Variants in XRN2 observed in about 807,000 individuals in gnomAD.
XRN2 encodes the protein DHM1-like protein.
Under a neutral mutation model 138.5 loss-of-function variants are expected in XRN2, and 44 were observed. The ratio of observed to expected loss-of-function variants is 0.32; its 90% CI spans 0.25 to 0.41. The LOEUF is 0.41. Ranked by LOEUF, XRN2 falls within the 10% of genes least tolerant of loss-of-function variation. The pLI, the probability that XRN2 is intolerant of heterozygous loss-of-function variation, is 1.00. For synonymous variants in XRN2, 354 were observed against 369.4 expected (o/e 0.96, Z 0.48); for missense variants, 937 against 1,169.3 (o/e 0.80, Z 2.90).
intron 15 of XRN2, among the ~76,000 whole-genome samples, chr20:21,341,080 T>C (rs746727459): frequency 6.6e-6 from 1 of 152,324 alleles, no homozygotes; most frequent in Admixed American, 6.5e-5. Context: ...CATGCGAATA[T>C]AAAGAGCTGA....
chr20:21,303,515 C>T (rs2037767759), intron 1 of XRN2, 42 bp downstream of exon 1: 3 of 1,532,890 alleles, frequency 2.0e-6, no homozygotes, highest in Non-Finnish European at 2.6e-6. Flanking sequence ...AGCCCGGGCC[C>T]CCGGCACGTC....
At chr20:21,331,963 G>A (rs552607991) in intron 8 of XRN2, 145 bp downstream of exon 8, 2 of 908,480 alleles carry the variant, frequency 2.2e-6, no homozygotes, top group Non-Finnish European at 3.5e-6. Flanking sequence ...CTAGTATTGA[G>A]TTGCTGTTTA....
intron 13 of XRN2, among the ~76,000 whole-genome samples, chr20:21,338,520 G>A (rs765550290): frequency 6.6e-6 from 1 of 152,034 alleles, no homozygotes; most frequent in African/African-American, 2.4e-5. Flanking sequence ...TAATGTTTGC[G>A]TAGAGTCCCA....
chr20:21,311,622 A>G lies in XRN2; in HGVS notation c.75+8149A>G, dbSNP rs113226130. 5.8e-4 allele frequency among the ~76,000 whole-genome samples: 89 copies of G among 152,320 alleles called. 1 individual carries two copies. The highest frequency in any genetic ancestry group is 2.0e-3 in the African/African-American group (82 of 41,574). ...TGGATCATGTAATTCTGTGTTTAGC[A>G]TTTTGAGGAACCACCAAACTGTTTT... is the stretch of plus-strand genomic sequence containing the variant. On this transcript the variant is annotated intron_variant, in intron 1 of 29. Transcript: ENST00000377191.
At chr20:21,359,534 A>C (rs967607327) in intron 24 of XRN2, among the ~76,000 whole-genome samples, 2 of 152,140 alleles carry the variant, frequency 1.3e-5, no homozygotes, top group African/African-American at 4.8e-5. Flanking sequence ...CAAAAAAAAA[A>C]AAAATGTATA....
chr20:21,309,996 T>C (rs202825), intron 1 of XRN2, among the ~76,000 whole-genome samples: 140,321 of 152,178 alleles, frequency 0.92, 64,810 homozygotes, highest in Non-Finnish European at 0.95. Context: ...ACTTTGGGTT[T>C]AACTTGTTTT....
chr20:21,344,434 G>A lies in XRN2; in HGVS notation c.1529+226G>A, dbSNP rs73607458. ...TAGATTAGTATGCGTGCAGGCTTTC[G>A]TCCTCCAATCCACTTTTCCCTCTGA... On this transcript the variant is annotated intron_variant, in intron 16 of 29. Coordinates refer to ENST00000377191, the MANE Select transcript of XRN2 (RefSeq NM_012255.5). Among the ~76,000 whole-genome samples the A allele has an allele frequency of 5.7e-4, 87 of 152,156 alleles. No individual in the cohort carries two copies. The East Asian group carries it at 0.014, about 24-fold the overall frequency.
chr20:21,365,476 C>G lies in XRN2; in HGVS notation c.2311C>G (p.Leu771Val). The stretch of plus-strand genomic sequence containing the variant: ...AGATTACATTTTTAAAGCTGTAATG[C>G]TTCCAGGAGCAAGGTAACAACAGTA... Reference protein sequence around the residue: ...AEDYIFKAVMLPGARKPAAVL... With the variant: ...AEDYIFKAVMVPGARKPAAVL... Residue 771 changes from leucine (L) to valine (V), a missense_variant, in exon 25 of 30, where the codon CTT (leucine) becomes GTT (valine). By Grantham distance (32) the Leu-to-Val change is conservative. Transcript: ENST00000377191. 6.2e-7 allele frequency: 1 copy of G among 1,613,812 alleles called. No individual in the cohort carries two copies. The highest frequency in any genetic ancestry group is 8.5e-7 in the Non-Finnish European group (1 of 1,179,916).
chr20:21,369,947 A>G (rs2122322987), intron 27 of XRN2, among the ~76,000 whole-genome samples: 1 of 152,282 alleles, frequency 6.6e-6, no homozygotes, highest in East Asian at 1.9e-4. Flanking sequence ...GTTTGCCCAA[A>G]CCAATATCCT....
At chr20:21,367,438 A>G (rs2038716519) in intron 26 of XRN2, among the ~76,000 whole-genome samples, 1 of 152,176 alleles carries the variant, frequency 6.6e-6, no homozygotes, top group African/African-American at 2.4e-5. Context: ...TGTAATTTAT[A>G]CAGCAAATAT....
At chr20:21,313,957 A>G (rs556361472) in intron 1 of XRN2, among the ~76,000 whole-genome samples, 1 of 152,354 alleles carries the variant, frequency 6.6e-6, no homozygotes, top group South Asian at 2.1e-4. Flanking sequence ...AAATTCACCC[A>G]TTTAAAGTGT....
At chr20:21,349,365 T>G (rs1246278283) in intron 19 of XRN2, 24 bp from the exon 20 acceptor site, 2 of 1,465,336 alleles carry the variant, frequency 1.4e-6, no homozygotes, top group African/African-American at 2.8e-5. Flanking sequence ...CTGTTTTGAT[T>G]CTTTACTTTT....
chr20:21,331,167 T>C (rs1426141129), intron 6 of XRN2, among the ~76,000 whole-genome samples: 2 of 152,164 alleles, frequency 1.3e-5, no homozygotes, highest in Non-Finnish European at 2.9e-5. Context: ...TTTATAGATA[T>C]GTGTTATTGA....
At chr20:21,313,123 G>A (rs1013708712) in intron 1 of XRN2, among the ~76,000 whole-genome samples, 5 of 152,240 alleles carry the variant, frequency 3.3e-5, no homozygotes, top group African/African-American at 1.2e-4. Flanking sequence ...TTTTGTTACA[G>A]AAGTATGCTC....
chr20:21,356,130 C>G lies in XRN2; in HGVS notation c.2071C>G (p.Pro691Ala). 6.2e-7 allele frequency: 1 copy of G among 1,612,492 alleles called. No homozygotes were observed. Among genetic ancestry groups the G allele is most frequent in the African/African-American group, 1.3e-5 (1 of 74,886 alleles). The change falls in exon 22 of 30, where the codon CCA becomes GCA. Residue 691 changes from proline to alanine, a missense_variant. This residue lies in a region of XRN2 where 372 missense variants were observed against 414.4 expected (regional missense o/e 0.90). Coordinates refer to ENST00000377191, the MANE Select transcript of XRN2 (RefSeq NM_012255.5). Reference sequence around the variant, plus strand: ...TGTCTTATTTGTGGGGAAACATCACCCACTCCATGACTTCATTTTAGAGCT... The same window carrying G: ...TGTCTTATTTGTGGGGAAACATCACGCACTCCATGACTTCATTTTAGAGCT... ...GDVLFVGKHH[P>A]LHDFILELYQ...
At chr20:21,317,479 T>G (rs550450072) in intron 1 of XRN2, among the ~76,000 whole-genome samples, 1 of 152,292 alleles carries the variant, frequency 6.6e-6, no homozygotes, top group South Asian at 2.1e-4. Flanking sequence ...GTATAATATT[T>G]TAATATATTG....
At chr20:21,323,644 C>T (rs1228303800) in intron 1 of XRN2, among the ~76,000 whole-genome samples, 1 of 152,164 alleles carries the variant, frequency 6.6e-6, no homozygotes, top group East Asian at 1.9e-4. Flanking sequence ...AGTTTTCTTA[C>T]TGGGAATACC....
At position 21,356,112 on chromosome 20, in the gene XRN2, T is replaced by G. The variant is rs200677091; in HGVS notation, c.2053T>G (p.Phe685Val). The part of the protein sequence containing the change: ...RRNSLGGDVL[F>V]VGKHHPLHDF... ...AAACAGCCTTGGAGGTGATGTCTTA[T>G]TTGTGGGGAAACATCACCCACTCCA... The change falls in exon 22 of 30, where the codon TTT becomes GTT. Residue 685 changes from phenylalanine (F) to valine (V), a missense_variant. Around this residue, in one of 6 missense-constraint regions of XRN2, gnomAD observed 372 missense variants for 414.4 expected, o/e 0.90. Transcript: ENST00000377191. 297 of 1,612,872 alleles carry G rather than the reference T, an allele frequency of 1.8e-4. No individual in the cohort carries two copies. Among genetic ancestry groups the G allele is most frequent in the Non-Finnish European group, 2.4e-4 (282 of 1,179,342 alleles).
intron 8 of XRN2, 35 bp from the exon 9 acceptor site, chr20:21,332,248 C>T (rs766731013): frequency 3.7e-5 from 59 of 1,596,242 alleles, no homozygotes; most frequent in Non-Finnish European, 4.6e-5. Context: ...TCAGAATACT[C>T]ACTGTTCGAT....
Sources: gnomAD v4.1 joint callset for allele counts (sites outside exome capture counted in the v4.1 genomes callset) on GRCh38, gnomAD v4.1.1 for gene constraint, gnomAD v4.1.1 regional missense constraint, MANE v1.5 for transcripts, NCBI Gene and HGNC (gene_info 2026-07-23, HGNC 2026-07-21) for gene names.